Variants in MATN2 observed in about 807,000 individuals in gnomAD.
MATN2 encodes the protein matrilin 2.
MATN2 carries 69 observed loss-of-function variants against 103.2 expected under a neutral mutation model. That is an observed-to-expected ratio of 0.67 (90% CI 0.55 to 0.82). The LOEUF (loss-of-function observed/expected upper bound fraction) is 0.82. MATN2 is among the 40% of genes least tolerant of loss of function. The pLI is 0.00. For synonymous variants in MATN2, 429 were observed against 450.2 expected, an observed-to-expected ratio of 0.95 and a Z score of 0.60; for missense variants, 1,023 against 1,211.5, an observed-to-expected ratio of 0.84 and a Z score of 2.31.
At chr8:97,991,752 TG>T (rs1812397574) in intron 6 of MATN2, among the ~76,000 whole-genome samples, 1 of 151,312 alleles carries the variant, frequency 6.6e-6, no homozygotes, top group South Asian at 2.1e-4. Context: ...TTTTCAGAAA[TG>T]GGGTCTTGCT....
At chr8:97,952,994 C>T (rs534724538) in intron 4 of MATN2, among the ~76,000 whole-genome samples, 3 of 140,802 alleles carry the variant, frequency 2.1e-5, no homozygotes, top group African/African-American at 8.0e-5. Flanking sequence ...GCAATCATAG[C>T]TTACTGCGAC....
chr8:98,034,538 T>TA lies in MATN2; in HGVS notation c.2815+881dup, dbSNP rs1171527783. On this transcript the variant is annotated intron_variant, in intron 18 of 18. Transcript: ENST00000254898. ...AAATGAAATAATCTTTCTGAGTGGT[T>TA]AATTGACGAATATGGGCTCTCATTC... 2.0e-5 allele frequency among the ~76,000 whole-genome samples: 3 copies of TA among 152,180 alleles called. No individual in the cohort carries two copies. The East Asian group carries it at 5.8e-4, about 29-fold the overall frequency.
intron 2 of MATN2, among the ~76,000 whole-genome samples, chr8:97,898,401 G>T (rs544081776): frequency 2.2e-4 from 34 of 152,230 alleles, no homozygotes; most frequent in African/African-American, 7.5e-4. Flanking sequence ...TTTGAGACCA[G>T]CCTGGCCAAC....
intron 4 of MATN2, among the ~76,000 whole-genome samples, chr8:97,944,973 T>C (rs1810696159): frequency 6.6e-6 from 1 of 152,238 alleles, no homozygotes; most frequent in African/African-American, 2.4e-5. Context: ...CATACAATCA[T>C]TGATTGGTTC....
intron 2 of MATN2, among the ~76,000 whole-genome samples, chr8:97,923,660 G>A (rs1057489405): frequency 2.1e-4 from 32 of 152,100 alleles, no homozygotes; most frequent in Middle Eastern, 3.4e-3. Context: ...AGGTTCAAGC[G>A]ATTCTCCTGC....
chr8:97,968,198 C>A (rs1489287099), intron 5 of MATN2, among the ~76,000 whole-genome samples: 2 of 152,202 alleles, frequency 1.3e-5, no homozygotes, highest in Non-Finnish European at 2.9e-5. Flanking sequence ...GACCTGGCCC[C>A]CCAAATCATT....
chr8:97,996,750 T>C (rs1563715601), intron 7 of MATN2, among the ~76,000 whole-genome samples: 1 of 152,126 alleles, frequency 6.6e-6, no homozygotes, highest in Non-Finnish European at 1.5e-5. Flanking sequence ...TGGAGCATTA[T>C]GTGGATGAAG....
At chr8:97,976,922 C>T (rs1811854283) in intron 5 of MATN2, among the ~76,000 whole-genome samples, 1 of 151,878 alleles carries the variant, frequency 6.6e-6, no homozygotes, top group Non-Finnish European at 1.5e-5. Flanking sequence ...TTGGCTTCAC[C>T]AAGTCTCGTG....
chr8:97,931,074 C>T lies in MATN2; in HGVS notation c.264C>T (p.Asp88=). Reference sequence around the variant, plus strand: ...TCGTGGACATCTTGCAATTCTTGGACATTGGTCCTGATGTCACCCGAGTGG... The same window carrying T: ...TCGTGGACATCTTGCAATTCTTGGATATTGGTCCTGATGTCACCCGAGTGG... ...EFIVDILQFL[D]IGPDVTRVGL... Residue 88 remains aspartate, a synonymous_variant, in exon 3 of 19, where the codon GAC becomes GAT. Transcript: ENST00000254898. This position sits in a 1 kb window ranked among gnomAD's most constrained non-coding sequence, Gnocchi z 4.1. 1 of 1,614,010 alleles carries T rather than the reference C, an allele frequency of 6.2e-7. No individual in the cohort carries two copies. Among genetic ancestry groups the T allele is most frequent in the Non-Finnish European group, 8.5e-7 (1 of 1,179,876 alleles).
intron 2 of MATN2, among the ~76,000 whole-genome samples, chr8:97,925,696 C>A (rs985045981): frequency 3.3e-5 from 5 of 152,170 alleles, no homozygotes; most frequent in African/African-American, 1.2e-4. Flanking sequence ...GAGGGTCACA[C>A]AGGTTAAGGA....
Position 97,881,688 on chromosome 8 carries a change from C to A in MATN2, c.-26-6387C>A, listed in dbSNP as rs949175225. ...AAGGAACTGTTCTCAAATATCATTC[C>A]ATTTTCCAGTTAGAAATGGGTCCTG... On this transcript the variant is annotated intron_variant, in intron 1 of 18. Coordinates refer to ENST00000254898, the MANE Select transcript of MATN2 (RefSeq NM_002380.5). Among the ~76,000 whole-genome samples the A allele has an allele frequency of 1.2e-4, 18 of 152,170 alleles. 1 individual carries two copies.
At chr8:97,912,007 T>C (rs1029929662) in intron 2 of MATN2, among the ~76,000 whole-genome samples, 1 of 152,180 alleles carries the variant, frequency 6.6e-6, no homozygotes, top group African/African-American at 2.4e-5. Context: ...AAGAGGAAAC[T>C]GAAGGAGAGA....
At chr8:97,934,720 T>G (rs186905466) in intron 3 of MATN2, among the ~76,000 whole-genome samples, 72 of 152,332 alleles carry the variant, frequency 4.7e-4, no homozygotes, top group African/African-American at 1.7e-3. Flanking sequence ...ATGGTCACAT[T>G]ACTGAATCCA....
intron 4 of MATN2, among the ~76,000 whole-genome samples, chr8:97,957,966 T>G (rs1470000459): frequency 1.3e-5 from 2 of 152,200 alleles, no homozygotes; most frequent in African/African-American, 4.8e-5. Context: ...CAGACTCTTC[T>G]GCGGATATCC....
At chr8:97,988,980 A>C (rs928117592) in intron 6 of MATN2, among the ~76,000 whole-genome samples, 10 of 152,238 alleles carry the variant, frequency 6.6e-5, no homozygotes, top group Admixed American at 2.0e-4. Context: ...TATATTAAAA[A>C]GTACAATACA....
chr8:98,024,043 G>T (rs1813697130), intron 13 of MATN2, among the ~76,000 whole-genome samples: 1 of 152,134 alleles, frequency 6.6e-6, no homozygotes, highest in Non-Finnish European at 1.5e-5. Flanking sequence ...CCTGTTGGGG[G>T]TAGTCGGGAG....
intron 13 of MATN2, among the ~76,000 whole-genome samples, chr8:98,026,117 T>G (rs1242573079): frequency 7.2e-6 from 1 of 139,326 alleles, no homozygotes; most frequent in African/African-American, 2.6e-5. Context: ...AAGTGGAGGT[T>G]GCAGTGAGCC....
At chr8:97,941,310 T>A (rs1354257481) in intron 3 of MATN2, among the ~76,000 whole-genome samples, 1 of 152,144 alleles carries the variant, frequency 6.6e-6, no homozygotes, top group East Asian at 1.9e-4. Flanking sequence ...ATATTAAAAA[T>A]TTACGTTACT....
At chr8:97,958,981 A>G (rs369535101) in intron 4 of MATN2, among the ~76,000 whole-genome samples, 43 of 152,188 alleles carry the variant, frequency 2.8e-4, no homozygotes, top group African/African-American at 9.6e-4. Context: ...CACGCGTCCC[A>G]AGCCTGGAGT....
Sources: allele counts gnomAD v4.1 joint callset (sites outside exome capture counted in the v4.1 genomes callset), GRCh38; gene constraint gnomAD v4.1.1; non-coding constraint Gnocchi (gnomAD v3.1); transcripts MANE v1.5; gene names NCBI Gene and HGNC (gene_info 2026-07-23, HGNC 2026-07-21).